The following TMPRSS11D variants were observed in gnomAD, a reference collection of about 807,000 sequenced individuals.
TMPRSS11D encodes the protein transmembrane protease serine 11D.
A neutral mutation model predicts 44.4 loss-of-function variants in TMPRSS11D; 32 were observed. That is an observed-to-expected ratio of 0.72 (90% confidence interval 0.54 to 0.97). The LOEUF is 0.97. Ranked by LOEUF, TMPRSS11D falls within the 50% of genes least tolerant of loss-of-function variation. The probability of loss-of-function intolerance (pLI) is 0.00; values close to 1 mark genes in which losing one functional copy is unlikely to be tolerated. For synonymous variants in TMPRSS11D, 179 were observed against 177.9 expected (o/e 1.01, Z -0.05); for missense variants, 446 against 502.6 (o/e 0.89, Z 1.08).
chr4:67,863,505 A>C (rs1226733489), intron 1 of TMPRSS11D, among the ~76,000 whole-genome samples: 6 of 152,022 alleles, frequency 3.9e-5, no homozygotes, highest in Non-Finnish European at 1.5e-5. Flanking sequence ...CTTTGTTCTG[A>C]TATCAGTCAT....
chr4:67,852,987 G>T (rs1161301347), intron 3 of TMPRSS11D, among the ~76,000 whole-genome samples: 1 of 152,172 alleles, frequency 6.6e-6, no homozygotes, highest in Admixed American at 6.6e-5. Flanking sequence ...TGTGGAAGGA[G>T]GATTAATTAT....
At chr4:67,838,507 T>C (rs534200817) in intron 4 of TMPRSS11D, among the ~76,000 whole-genome samples, 178 bp from the exon 5 acceptor site, 2 of 152,234 alleles carry the variant, frequency 1.3e-5, no homozygotes, top group Admixed American at 1.3e-4. Flanking sequence ...ATCTCACTTA[T>C]TTGATTTCAA....
rs563693134 is a variant in TMPRSS11D at position 67,844,358 on chromosome 4, TTC to T, written c.250-1735_250-1734del. 9.0e-3 allele frequency among the ~76,000 whole-genome samples: 1,369 copies of T among 152,326 alleles called. 10 individuals are homozygous for T. The highest frequency in any genetic ancestry group is 0.031 in the African/African-American group (1,305 of 41,564). On this transcript the variant is annotated intron_variant, in intron 3 of 9. Transcript: ENST00000283916. The stretch of plus-strand genomic sequence containing the variant: ...CATGATTCTTAACCAAATGATAATT[TTC>T]TTTTTTTTTTCCAGAGAACCTTTGA...
At chr4:67,829,724 T>C (rs1347048136) in intron 7 of TMPRSS11D, among the ~76,000 whole-genome samples, 1 of 151,974 alleles carries the variant, frequency 6.6e-6, no homozygotes, top group African/African-American at 2.4e-5. Context: ...TTAGTGGCAG[T>C]TCATGGTAGG....
At chr4:67,843,517 C>T (rs879760213) in intron 3 of TMPRSS11D, among the ~76,000 whole-genome samples, 2 of 152,086 alleles carry the variant, frequency 1.3e-5, no homozygotes, top group Admixed American at 6.6e-5. Context: ...TGGGTATGTA[C>T]ACCTATTATG....
chr4:67,829,642 A>G (rs1717896803), intron 7 of TMPRSS11D, among the ~76,000 whole-genome samples: 1 of 152,054 alleles, frequency 6.6e-6, no homozygotes, highest in African/African-American at 2.4e-5. Flanking sequence ...AAATTTTTGT[A>G]GAATATATTT....
rs74809452 is a variant in TMPRSS11D at position 67,879,797 on chromosome 4, G to A, written c.8+4129C>T. On this transcript the variant is annotated intron_variant, in intron 1 of 9. Coordinates refer to ENST00000283916, the MANE Select transcript of TMPRSS11D (RefSeq NM_004262.3). ...TAAAAATGCATATACCATGTGACTC[G>A]GAAAATCTATTTCTAGGAACATATC... is the stretch of plus-strand genomic sequence containing the variant. Among the ~76,000 whole-genome samples, 498 of 152,232 alleles carry A rather than the reference G, an allele frequency of 3.3e-3. 3 individuals are homozygous for A. Among genetic ancestry groups the A allele is most frequent in the Middle Eastern group, 0.017 (5 of 294 alleles).
chr4:67,835,353 T>C (rs1181783681), intron 5 of TMPRSS11D, among the ~76,000 whole-genome samples: 1 of 152,176 alleles, frequency 6.6e-6, no homozygotes, highest in Admixed American at 6.6e-5. Flanking sequence ...TTTGTTGTTA[T>C]GCATACTAAA....
At chr4:67,881,959 C>T (rs1252256584) in intron 1 of TMPRSS11D, among the ~76,000 whole-genome samples, 20 of 152,160 alleles carry the variant, frequency 1.3e-4, no homozygotes, top group Admixed American at 5.9e-4. Context: ...TCATCTCACA[C>T]GTTTTCTGTA....
intron 7 of TMPRSS11D, among the ~76,000 whole-genome samples, chr4:67,829,147 AT>A (rs1717879907): frequency 6.6e-6 from 1 of 151,864 alleles, no homozygotes; most frequent in Non-Finnish European, 1.5e-5. Flanking sequence ...AAAGGCACCC[AT>A]TTTTCATCAA....
intron 5 of TMPRSS11D, among the ~76,000 whole-genome samples, chr4:67,837,036 G>A (rs1236599393): frequency 6.6e-6 from 1 of 152,026 alleles, no homozygotes; most frequent in Non-Finnish European, 1.5e-5. Flanking sequence ...CTCACACTGG[G>A]CCCTTGATCA....
chr4:67,854,425 A>G (rs1357492834), intron 2 of TMPRSS11D, among the ~76,000 whole-genome samples: 1 of 152,156 alleles, frequency 6.6e-6, no homozygotes, highest in Admixed American at 6.5e-5. Flanking sequence ...TTATTTGAGA[A>G]ATTAAAAATT....
chr4:67,828,414 T>C (rs1426600948), intron 7 of TMPRSS11D, among the ~76,000 whole-genome samples: 1 of 152,120 alleles, frequency 6.6e-6, no homozygotes, highest in Non-Finnish European at 1.5e-5. Context: ...AGAGATGTTG[T>C]TGAGGGTGAA....
chr4:67,828,730 G>C (rs1483043928), intron 7 of TMPRSS11D, among the ~76,000 whole-genome samples: 1 of 152,056 alleles, frequency 6.6e-6, no homozygotes, highest in Non-Finnish European at 1.5e-5. Flanking sequence ...ATGAAATATG[G>C]CTTTACTAAT....
At chr4:67,868,201 G>T (rs1280142804) in intron 1 of TMPRSS11D, among the ~76,000 whole-genome samples, 38 of 152,128 alleles carry the variant, frequency 2.5e-4, no homozygotes, top group African/African-American at 9.2e-4. Flanking sequence ...AAACAACTCA[G>T]AAACAAAAAG....
chr4:67,869,072 A>T (rs1718993494), intron 1 of TMPRSS11D, among the ~76,000 whole-genome samples: 1 of 152,198 alleles, frequency 6.6e-6, no homozygotes, highest in African/African-American at 2.4e-5. Context: ...AGACAATTTG[A>T]GTTGTTTTGA....
At chr4:67,874,002 T>A (rs906308184) in intron 1 of TMPRSS11D, among the ~76,000 whole-genome samples, 5 of 152,196 alleles carry the variant, frequency 3.3e-5, no homozygotes, top group Non-Finnish European at 5.9e-5. Flanking sequence ...ACAGATCGCA[T>A]GTATGACAGT....
At chr4:67,836,048 T>C (rs1718078780) in intron 5 of TMPRSS11D, among the ~76,000 whole-genome samples, 2 of 152,248 alleles carry the variant, frequency 1.3e-5, no homozygotes, top group South Asian at 2.1e-4. Context: ...ATTATATCCT[T>C]TTAGTAAAAT....
chr4:67,834,237 G>C (rs886537068), intron 6 of TMPRSS11D, among the ~76,000 whole-genome samples: 9 of 151,634 alleles, frequency 5.9e-5, no homozygotes, highest in Non-Finnish European at 1.2e-4. Context: ...TAGTGCCCTG[G>C]TTTAATAGCA....
Sources: gnomAD v4.1 joint callset for allele counts (sites outside exome capture counted in the v4.1 genomes callset) on GRCh38, gnomAD v4.1.1 for gene constraint, MANE v1.5 for transcripts, NCBI Gene and HGNC (gene_info 2026-07-23, HGNC 2026-07-21) for gene names.